The following FNTB variants were observed in gnomAD, a reference collection of about 807,000 sequenced individuals.
The protein encoded by FNTB is farnesyltransferase, CAAX box, subunit beta, also known as protein farnesyltransferase subunit beta.
FNTB carries 27 observed loss-of-function variants against 59.4 expected under a neutral mutation model. That is an observed-to-expected ratio of 0.45 (90% CI 0.34 to 0.63). FNTB has a LOEUF of 0.63. Ranked by LOEUF, FNTB falls within the 20% of genes least tolerant of loss-of-function variation. FNTB has a pLI of 0.02. For synonymous variants in FNTB, 230 were observed against 220.7 expected (o/e 1.04, Z -0.37); for missense variants, 449 against 559.6 (o/e 0.80, Z 1.99).
Position 65,027,532 on chromosome 14 carries a change from C to T in FNTB, c.454C>T (p.Pro152Ser), listed in dbSNP as rs2139573915. 6 of 1,614,178 alleles carry T rather than the reference C, an allele frequency of 3.7e-6. No homozygotes were observed. Among genetic ancestry groups the T allele is most frequent in the Non-Finnish European group, 4.2e-6 (5 of 1,180,048 alleles). The change falls in exon 5 of 12, where the codon CCC becomes TCC. Residue 152 changes from proline (P) to serine (S), a missense_variant. Physicochemically the swap from Pro to Ser is moderately conservative, Grantham distance 74. This residue lies in a region of FNTB where 337 missense variants were observed against 479.1 expected (regional missense o/e 0.70). Transcript: ENST00000246166. The surrounding 1 kb of genome is among the most constrained non-coding windows in gnomAD (Gnocchi z 5.7). ...ACCCGGTCAGTATCCACACCTTGCA[C>T]CCACATATGCAGCAGTCAATGCATT... ...GGPGQYPHLA[P>S]TYAAVNALCI...
At position 64,997,322 on chromosome 14, in the gene FNTB, T is replaced by C. The variant is rs1202395146; in HGVS notation, c.145-6927T>C. On this transcript the variant is annotated intron_variant, in intron 1 of 11. Coordinates refer to ENST00000246166, the MANE Select transcript of FNTB (RefSeq NM_002028.4). This position sits in a 1 kb window ranked among gnomAD's most constrained non-coding sequence, Gnocchi z 4.5. ...GCTGACTCCACACAGACAGGTCCTG[T>C]GGCCCCACCCACAGGCTGACTCAGT... 6.6e-6 allele frequency among the ~76,000 whole-genome samples: 1 copy of C among 152,216 alleles called. No individual in the cohort carries two copies. The highest frequency in any genetic ancestry group is 1.5e-5 in the Non-Finnish European group (1 of 68,026).
At chr14:65,005,755 C>T (rs1465550955) in intron 2 of FNTB, among the ~76,000 whole-genome samples, 1 of 152,080 alleles carries the variant, frequency 6.6e-6, no homozygotes, top group Non-Finnish European at 1.5e-5. Context: ...AGTGCAGCCT[C>T]CGCAGTAGCT....
At chr14:65,033,682 C>T (rs2062130589) in intron 7 of FNTB, among the ~76,000 whole-genome samples, 1 of 152,068 alleles carries the variant, frequency 6.6e-6, no homozygotes, top group African/African-American at 2.4e-5. Flanking sequence ...ATGGTGACAC[C>T]CCGTCTCTAC....
At chr14:65,003,478 A>G (rs1434452187) in intron 1 of FNTB, 1 of 152,254 alleles carries the variant, frequency 6.6e-6, no homozygotes, top group East Asian at 1.9e-4. Flanking sequence ...CACTATAACA[A>G]ACCAACAGGG....
intron 7 of FNTB, among the ~76,000 whole-genome samples, chr14:65,037,883 G>C (rs191989379): frequency 1.3e-5 from 2 of 151,054 alleles, no homozygotes; most frequent in South Asian, 4.2e-4. Context: ...AGGTTCAAGC[G>C]ATTCTCCTGC....
At position 64,997,650 on chromosome 14, in the gene FNTB, A is replaced by G. The variant is rs533754186; in HGVS notation, c.145-6599A>G. Among the ~76,000 whole-genome samples the G allele has an allele frequency of 1.3e-5, 2 of 152,344 alleles. No individual in the cohort carries two copies. The highest frequency in any genetic ancestry group is 4.8e-5 in the African/African-American group (2 of 41,580). On this transcript the variant is annotated intron_variant, in intron 1 of 11. Coordinates refer to ENST00000246166, the MANE Select transcript of FNTB (RefSeq NM_002028.4). The surrounding 1 kb of genome is among the most constrained non-coding windows in gnomAD (Gnocchi z 4.5). ...AAGAGGTGGCATAGACTTCAGGTTT[A>G]ACTACAGTGTTCAACTGAAACAAAG...
Position 65,047,978 on chromosome 14 carries a change from ATTTTTTTTTTTTTT to A in FNTB, c.955+3549_955+3562del, listed in dbSNP as rs34879850. On this transcript the variant is annotated intron_variant, in intron 9 of 11. Transcript: ENST00000246166. This position sits in a 1 kb window ranked among gnomAD's most constrained non-coding sequence, Gnocchi z 5.2. ...AGACAGAAGGAGGGAGACTTTTTAG[ATTTTTTTTTTTTTT>A]TTTTTTTTTTTTTGAGACAGAGTCT... Among the ~76,000 whole-genome samples the A allele has an allele frequency of 3.1e-5, 2 of 64,126 alleles. No individual in the cohort carries two copies. Among genetic ancestry groups the A allele is most frequent in the Non-Finnish European group, 2.7e-5 (1 of 36,396 alleles). The allele number at this position is 64,126 out of a possible 152,430, so 42.1% of individuals were successfully genotyped here.
intron 1 of FNTB, among the ~76,000 whole-genome samples, chr14:64,995,042 C>G (rs1178820147): frequency 6.6e-6 from 1 of 152,078 alleles, no homozygotes; most frequent in Non-Finnish European, 1.5e-5. Flanking sequence ...AAGCTGTTTT[C>G]TACTTTAAAT....
At chr14:65,048,048 T>G (rs1346996696) in intron 9 of FNTB, among the ~76,000 whole-genome samples, 1 of 134,278 alleles carries the variant, frequency 7.4e-6, no homozygotes, top group Non-Finnish European at 1.5e-5. Flanking sequence ...AGTGCAGTGG[T>G]GCAATCTCGG....
At position 65,040,876 on chromosome 14, in the gene FNTB, T is replaced by G. The variant is rs1332734682; in HGVS notation, c.779T>G (p.Val260Gly). 6.2e-7 allele frequency: 1 copy of G among 1,613,934 alleles called. No individual in the cohort carries two copies. The highest frequency in any genetic ancestry group is 8.5e-7 in the Non-Finnish European group (1 of 1,179,962). ...GYTFCGLAALVILKRERSLNL... is the reference protein window; with the variant it reads ...GYTFCGLAALGILKRERSLNL... ...ACCTTCTGTGGCCTGGCCGCGCTGG[T>G]AATCCTCAAGAGGGAACGTTCCTTG... The change falls in exon 8 of 12, where the codon GTA (valine) becomes GGA (glycine). Residue 260 changes from valine (V) to glycine (G), a missense_variant. Around this residue, in one of 2 missense-constraint regions of FNTB, gnomAD observed 337 missense variants for 479.1 expected, o/e 0.70. Coordinates refer to ENST00000246166, the MANE Select transcript of FNTB (RefSeq NM_002028.4).
chr14:64,990,822 GGA>G lies in FNTB; in HGVS notation c.144+3731_144+3732del. Among the ~76,000 whole-genome samples, 1 of 152,320 alleles carries G rather than the reference GGA, an allele frequency of 6.6e-6. No individual in the cohort carries two copies. Among genetic ancestry groups the G allele is most frequent in the Admixed American group, 6.5e-5 (1 of 15,304 alleles). On this transcript the variant is annotated intron_variant, in intron 1 of 11. Transcript: ENST00000246166. The surrounding 1 kb of genome is among the most constrained non-coding windows in gnomAD (Gnocchi z 5.2). ...GTTAGGAGGCTATTGCAGTATCCTGGGAGAGAGGTGACGGTGGCTTAGCTCAC... is the reference window on the plus strand; with the variant it reads ...GTTAGGAGGCTATTGCAGTATCCTGGGAGAGGTGACGGTGGCTTAGCTCAC...
rs1408075325 is a variant in FNTB at position 65,044,335 on chromosome 14, C to A, written c.847C>A (p.Arg283=). Residue 283 remains arginine (R), a synonymous_variant, in exon 9 of 12, where the codon CGA becomes AGA. Coordinates refer to ENST00000246166, the MANE Select transcript of FNTB (RefSeq NM_002028.4). This position sits in a 1 kb window ranked among gnomAD's most constrained non-coding sequence, Gnocchi z 5.5. ...GCAATGGGTGACAAGCCGGCAGATGCGATTTGAAGGAGGATTTCAGGGCCG... is the reference window on the plus strand; with the variant it reads ...GCAATGGGTGACAAGCCGGCAGATGAGATTTGAAGGAGGATTTCAGGGCCG... ...LLQWVTSRQM[R]FEGGFQGRCN... is the part of the protein sequence containing the mutation. 1.9e-6 allele frequency: 3 copies of A among 1,613,402 alleles called. No individual in the cohort carries two copies. The highest frequency in any genetic ancestry group is 2.2e-5 in the East Asian group (1 of 44,848).
chr14:65,012,279 G>A lies in FNTB; in HGVS notation c.210-38G>A, dbSNP rs764929884. On this transcript the variant is annotated intron_variant, in intron 2 of 11. Transcript: ENST00000246166. This position sits in a 1 kb window ranked among gnomAD's most constrained non-coding sequence, Gnocchi z 5.0. ...ATACGTGTGTATGGTGGAAGCATAA[G>A]CTATTAGAATGGGCTTATAAACTGT... is the stretch of plus-strand genomic sequence containing the variant. 3 of 1,613,140 alleles carry A rather than the reference G, an allele frequency of 1.9e-6. No homozygotes were observed. Among genetic ancestry groups the A allele is most frequent in the Admixed American group, 3.3e-5 (2 of 59,974 alleles).
At chr14:64,992,026 G>C (rs1459357205) in intron 1 of FNTB, among the ~76,000 whole-genome samples, 1 of 152,136 alleles carries the variant, frequency 6.6e-6, no homozygotes, top group Non-Finnish European at 1.5e-5. Flanking sequence ...ACTTATTTCA[G>C]CTTATAGGAT....
chr14:65,049,125 T>TAA (rs59771962), intron 9 of FNTB, among the ~76,000 whole-genome samples: 2 of 139,752 alleles, frequency 1.4e-5, no homozygotes, highest in South Asian at 2.3e-4. Flanking sequence ...GGACTCCGTC[T>TAA]AAAAAAAAAA....
intron 9 of FNTB, 131 bp from the exon 10 acceptor site, chr14:65,053,107 G>A: frequency 1.7e-6 from 1 of 603,098 alleles, no homozygotes; most frequent in Non-Finnish European, 2.5e-6. Context: ...GATAGCAGTT[G>A]TACCAAGAAT....
chr14:65,052,481 A>G (rs780333783), intron 9 of FNTB, among the ~76,000 whole-genome samples: 48 of 152,314 alleles, frequency 3.2e-4, no homozygotes, highest in Non-Finnish European at 5.7e-4. Flanking sequence ...TATATTTTTA[A>G]TCGATTTCTA....
intron 11 of FNTB, among the ~76,000 whole-genome samples, chr14:65,055,052 T>G (rs1032475742): frequency 6.6e-6 from 1 of 152,264 alleles, no homozygotes; most frequent in Non-Finnish European, 1.5e-5. Flanking sequence ...CATGCGGCAC[T>G]GGCTGTACAG....
chr14:65,026,273 G>A lies in FNTB; in HGVS notation c.375-1180G>A, dbSNP rs546881456. Among the ~76,000 whole-genome samples, 296 of 152,270 alleles carry A rather than the reference G, an allele frequency of 1.9e-3. 8 individuals are homozygous for A. In the South Asian group the frequency reaches 0.023, roughly 12 times the overall value. Reference sequence around the variant, plus strand: ...TGGGGCACCCTTTCTGGTGCACTTCGGAAGACCCCGGACTGATGATAGGGC... The same window carrying A: ...TGGGGCACCCTTTCTGGTGCACTTCAGAAGACCCCGGACTGATGATAGGGC... On this transcript the variant is annotated intron_variant, in intron 4 of 11. Coordinates refer to ENST00000246166, the MANE Select transcript of FNTB (RefSeq NM_002028.4).
Sources: gnomAD v4.1 joint callset for allele counts (sites outside exome capture counted in the v4.1 genomes callset) on GRCh38, gnomAD v4.1.1 for gene constraint, gnomAD v4.1.1 regional missense constraint, Gnocchi (gnomAD v3.1) non-coding constraint, MANE v1.5 for transcripts, NCBI Gene and HGNC (gene_info 2026-07-23, HGNC 2026-07-21) for gene names.